Variants in B4GALT5 observed in about 807,000 individuals in gnomAD.
B4GALT5 encodes the protein UDP-Gal:beta-GlcNAc beta-1,4-galactosyltransferase 5.
Under a neutral mutation model 45.0 loss-of-function variants are expected in B4GALT5, and 11 were observed. The observed-to-expected ratio is 0.24, with a 90% CI of 0.15 to 0.40. The LOEUF is 0.40. B4GALT5 is among the 10% of genes least tolerant of loss of function. The pLI, the probability that B4GALT5 is intolerant of heterozygous loss-of-function variation, is 1.00. For synonymous variants in B4GALT5, 185 were observed against 182.9 expected (o/e 1.01, Z -0.09); for missense variants, 337 against 500.2 (o/e 0.67, Z 3.11).
intron 1 of B4GALT5, among the ~76,000 whole-genome samples, chr20:49,667,359 C>T (rs2085695815): frequency 6.6e-6 from 1 of 151,732 alleles, no homozygotes; most frequent in South Asian, 2.1e-4. Context: ...TCACGCCATT[C>T]TCCTGCCTCA....
intron 6 of B4GALT5, 111 bp downstream of exon 6, chr20:49,640,367 T>C (rs2085571579): frequency 1.1e-6 from 1 of 930,658 alleles, no homozygotes; most frequent in Non-Finnish European, 1.6e-6. Flanking sequence ...ATTTTGTTTA[T>C]CCATCCATCA....
chr20:49,692,244 C>T (rs2085816504), intron 1 of B4GALT5, among the ~76,000 whole-genome samples: 1 of 151,530 alleles, frequency 6.6e-6, no homozygotes, highest in Admixed American at 6.6e-5. Context: ...AAGCCTTTCA[C>T]TCCCATCCAA....
intron 1 of B4GALT5, among the ~76,000 whole-genome samples, chr20:49,686,726 C>A (rs1422443731): frequency 1.3e-5 from 1 of 76,338 alleles, no homozygotes; most frequent in East Asian, 3.8e-4. Flanking sequence ...CTTGTCTCTG[C>A]CCAAAAAAAA....
intron 1 of B4GALT5, among the ~76,000 whole-genome samples, chr20:49,666,237 G>A (rs959160664): frequency 6.6e-6 from 1 of 152,194 alleles, no homozygotes; most frequent in Non-Finnish European, 1.5e-5. Flanking sequence ...TCTTAGCAAA[G>A]ACTGTACTTT....
chr20:49,663,710 T>A (rs71336599), intron 1 of B4GALT5, among the ~76,000 whole-genome samples: 2,183 of 113,200 alleles, frequency 0.019, 216 homozygotes, highest in East Asian at 0.097. Flanking sequence ...TATATATATA[T>A]ATATATATAT....
intron 2 of B4GALT5, among the ~76,000 whole-genome samples, chr20:49,652,572 G>T (rs1332430967): frequency 1.3e-5 from 2 of 150,850 alleles, no homozygotes; most frequent in Non-Finnish European, 2.9e-5. Flanking sequence ...TCCATTAATA[G>T]ATTACAAAGC....
intron 1 of B4GALT5, among the ~76,000 whole-genome samples, chr20:49,674,700 AAG>A (rs1481786913): frequency 2.0e-5 from 3 of 146,790 alleles, no homozygotes; most frequent in Non-Finnish European, 4.6e-5. Context: ...AAAAAAAAAA[AAG>A]AAGAAGAAGA....
At chr20:49,676,318 G>C (rs1025201258) in intron 1 of B4GALT5, among the ~76,000 whole-genome samples, 1 of 152,068 alleles carries the variant, frequency 6.6e-6, no homozygotes, top group African/African-American at 2.4e-5. Flanking sequence ...CCCCCTAAAT[G>C]AATCCACAGA....
At chr20:49,664,150 T>A (rs887864488) in intron 1 of B4GALT5, among the ~76,000 whole-genome samples, 1 of 152,160 alleles carries the variant, frequency 6.6e-6, no homozygotes, top group African/African-American at 2.4e-5. Context: ...AGGCTCCTAA[T>A]GCAATGTAAG....
In B4GALT5 at chr20:49,636,243, T is replaced by C; in HGVS notation, c.*69A>G. 6.4e-7 allele frequency: 1 copy of C among 1,569,902 alleles called. No homozygotes were observed. The highest frequency in any genetic ancestry group is 8.7e-7 in the Non-Finnish European group (1 of 1,150,624). ...CTCTTGCTGTGTAGACCCTCCCCCC[T>C]CCAAAAAAAAATCTCATCGGACTGC... is the stretch of plus-strand genomic sequence containing the variant. On this transcript the variant is annotated 3_prime_UTR_variant, in exon 9 of 9. Transcript: ENST00000371711.
intron 2 of B4GALT5, among the ~76,000 whole-genome samples, chr20:49,652,020 A>G (rs1429570186): frequency 6.6e-6 from 1 of 152,224 alleles, no homozygotes; most frequent in Non-Finnish European, 1.5e-5. Flanking sequence ...CGGAGGTTGC[A>G]GTGAGCTGAG....
At chr20:49,694,835 CAGAT>C (rs1331000995) in intron 1 of B4GALT5, among the ~76,000 whole-genome samples, 2 of 113,114 alleles carry the variant, frequency 1.8e-5, no homozygotes, top group Non-Finnish European at 4.1e-5. Context: ...GAAAGACAGA[CAGAT>C]ACACACACAC....
chr20:49,712,375 CTCT>C (rs2085916785), intron 1 of B4GALT5, among the ~76,000 whole-genome samples: 1 of 151,180 alleles, frequency 6.6e-6, no homozygotes, highest in South Asian at 2.1e-4. Context: ...GTGTCCTCCG[CTCT>C]TAACCTTCAT....
At chr20:49,661,337 C>A (rs1008295043) in intron 1 of B4GALT5, among the ~76,000 whole-genome samples, 1 of 152,108 alleles carries the variant, frequency 6.6e-6, no homozygotes. Context: ...CAGGTTCAAG[C>A]GATTCTTCTG....
intron 1 of B4GALT5, among the ~76,000 whole-genome samples, chr20:49,680,442 G>C (rs1259512437): frequency 1.3e-5 from 2 of 152,208 alleles, no homozygotes; most frequent in Non-Finnish European, 2.9e-5. Flanking sequence ...TTAAAAAGCA[G>C]TGAAACATGC....
chr20:49,633,365 A>C lies in B4GALT5; in HGVS notation c.*2947T>G, dbSNP rs1601241463. ...CCTGCACACAGCAATCAAAGACAAGATTAAGGGGCCACCCATCAGTAGCCT... is the reference window on the plus strand; with the variant it reads ...CCTGCACACAGCAATCAAAGACAAGCTTAAGGGGCCACCCATCAGTAGCCT... On this transcript the variant is annotated 3_prime_UTR_variant, in exon 9 of 9. Coordinates refer to ENST00000371711, the MANE Select transcript of B4GALT5 (RefSeq NM_004776.4). 6.6e-6 allele frequency: 1 copy of C among 150,898 alleles called. No individual in the cohort carries two copies. The highest frequency in any genetic ancestry group is 2.0e-4 in the East Asian group (1 of 5,100). The allele number at this position is 150,898 out of a possible 1,614,324, so 9.3% of individuals were successfully genotyped here. A position where few individuals can be genotyped will look rare whatever the true frequency, so the allele number is the denominator to read the frequency against.
chr20:49,702,984 T>G lies in B4GALT5; in HGVS notation c.115+10592A>C, dbSNP rs1262025599. Among the ~76,000 whole-genome samples the G allele has an allele frequency of 2.6e-5, 4 of 151,926 alleles. No individual in the cohort carries two copies. The East Asian group carries it at 5.8e-4, about 22-fold the overall frequency. On this transcript the variant is annotated intron_variant, in intron 1 of 8. Coordinates refer to ENST00000371711, the MANE Select transcript of B4GALT5 (RefSeq NM_004776.4). ...GTCAGGAGATCAAGACCATCCTGGC[T>G]GACACGATGAAACCCCGTCTCTACT...
At chr20:49,709,320 G>C (rs1480779159) in intron 1 of B4GALT5, among the ~76,000 whole-genome samples, 1 of 152,190 alleles carries the variant, frequency 6.6e-6, no homozygotes, top group African/African-American at 2.4e-5. Flanking sequence ...CCAGAGGGTA[G>C]AGGGTTGAAG....
At chr20:49,637,751 T>C (rs1311857627) in intron 7 of B4GALT5, among the ~76,000 whole-genome samples, 1 of 147,916 alleles carries the variant, frequency 6.8e-6, no homozygotes, top group Non-Finnish European at 1.5e-5. Flanking sequence ...CTGGCCAAAA[T>C]GGTGAAACCC....
Sources: allele counts gnomAD v4.1 joint callset (sites outside exome capture counted in the v4.1 genomes callset), GRCh38; gene constraint gnomAD v4.1.1; transcripts MANE v1.5; gene names NCBI Gene and HGNC (gene_info 2026-07-23, HGNC 2026-07-21).